SKIC3: variants seen among roughly 807,000 people sequenced by gnomAD.
SKIC3 encodes SKI3 subunit of superkiller complex.
chr5:95,523,452 T>C, the SKIC3 span: 2 of 1,214,492 alleles, frequency 1.6e-6, no homozygotes, highest in African/African-American at 3.1e-5. Context: ...CTGGTATACA[T>C]CAAATTACAG....
At chr5:95,525,488 A>C in the SKIC3 span, 1 of 1,614,040 alleles carries the variant, frequency 6.2e-7, no homozygotes, top group Non-Finnish European at 8.5e-7. Context: ...AGAAGAGAGA[A>C]GGTCTTCCAT....
chr5:95,477,270 A>T, the SKIC3 span, among the ~76,000 whole-genome samples: 1 of 152,234 alleles, frequency 6.6e-6, no homozygotes, highest in Non-Finnish European at 1.5e-5. Flanking sequence ...AGGCAGACTG[A>T]CAGAGCAAGG....
the SKIC3 span, among the ~76,000 whole-genome samples, chr5:95,519,216 A>C: frequency 1.3e-5 from 2 of 152,094 alleles, no homozygotes; most frequent in African/African-American, 4.8e-5. Context: ...AATTCCTTTT[A>C]GAATGAGAAA....
the SKIC3 span, chr5:95,541,307 C>G: frequency 3.7e-6 from 6 of 1,613,690 alleles, no homozygotes; most frequent in African/African-American, 2.7e-5. Flanking sequence ...TCACCAACCT[C>G]TAGGTGTTTC....
chr5:95,515,303 T>G, the SKIC3 span, among the ~76,000 whole-genome samples: 1 of 152,140 alleles, frequency 6.6e-6, no homozygotes, highest in African/African-American at 2.4e-5. Context: ...TCACAACCAA[T>G]GAAGTCCTAA....
chr5:95,550,276 T>C, the SKIC3 span, among the ~76,000 whole-genome samples: 4 of 152,006 alleles, frequency 2.6e-5, no homozygotes, highest in Non-Finnish European at 5.9e-5. Context: ...ATGATATATA[T>C]GTCCCCAGTT....
the SKIC3 span, chr5:95,494,742 C>A: frequency 6.2e-6 from 10 of 1,613,630 alleles, no homozygotes; most frequent in Non-Finnish European, 8.5e-6. Context: ...TCATCTTCTG[C>A]TGAACTGCTT....
chr5:95,497,369 T>A, the SKIC3 span: 1 of 1,429,748 alleles, frequency 7.0e-7, no homozygotes, highest in Non-Finnish European at 9.8e-7. Flanking sequence ...ATTTACCATA[T>A]CACAAGTTAT....
the SKIC3 span, among the ~76,000 whole-genome samples, chr5:95,474,167 T>C: frequency 4.6e-5 from 7 of 152,210 alleles, no homozygotes; most frequent in East Asian, 1.4e-3. Flanking sequence ...AATAGGGGAG[T>C]CCTTTCTCCA....
the SKIC3 span, chr5:95,530,158 G>T: frequency 3.7e-6 from 6 of 1,613,514 alleles, no homozygotes; most frequent in Non-Finnish European, 5.1e-6. Flanking sequence ...AAGCCAATGA[G>T]GCCTGGACCA....
the SKIC3 span, among the ~76,000 whole-genome samples, chr5:95,532,678 T>C: frequency 6.6e-6 from 1 of 152,176 alleles, no homozygotes; most frequent in African/African-American, 2.4e-5. Flanking sequence ...AACTGCTCTT[T>C]TTAACATTTA....
chr5:95,551,043 T>C, the SKIC3 span, among the ~76,000 whole-genome samples: 1 of 152,136 alleles, frequency 6.6e-6, no homozygotes, highest in Admixed American at 6.5e-5. Flanking sequence ...AGGGTACTTA[T>C]TTACACCCAA....
chr5:95,520,714 A>T, the SKIC3 span: 1 of 1,604,732 alleles, frequency 6.2e-7, no homozygotes. Context: ...AATAATACGA[A>T]CCAAGTAAAA....
the SKIC3 span, chr5:95,540,721 G>A: frequency 6.2e-7 from 1 of 1,614,008 alleles, no homozygotes. Context: ...CTGGTCCTCT[G>A]TACTTTCAGC....
the SKIC3 span, chr5:95,525,516 C>G: frequency 6.2e-7 from 1 of 1,613,516 alleles, no homozygotes; most frequent in Admixed American, 1.7e-5. Flanking sequence ...AAAGTAGACA[C>G]CTGTCAATTC....
the SKIC3 span, among the ~76,000 whole-genome samples, chr5:95,534,834 T>C: frequency 5.9e-5 from 9 of 152,174 alleles, no homozygotes; most frequent in African/African-American, 2.2e-4. Flanking sequence ...TGCAAATGAC[T>C]TCCAAACCAT....
the SKIC3 span, among the ~76,000 whole-genome samples, chr5:95,553,059 A>G: frequency 6.6e-6 from 1 of 152,190 alleles, no homozygotes; most frequent in Non-Finnish European, 1.5e-5. Flanking sequence ...ATCACTGGAG[A>G]TGAAAAAGCA....
the SKIC3 span, chr5:95,520,966 T>G: frequency 1.6e-5 from 10 of 634,210 alleles, no homozygotes; most frequent in Non-Finnish European, 2.5e-5. Context: ...TAAAGCATGA[T>G]CCTACATTCA....
the SKIC3 span, among the ~76,000 whole-genome samples, chr5:95,485,002 T>C: frequency 6.6e-6 from 1 of 152,190 alleles, no homozygotes. Flanking sequence ...TCCTGACAAG[T>C]GGCAGGTTTC....
Sources: gnomAD v4.1 joint callset for allele counts (sites outside exome capture counted in the v4.1 genomes callset) on GRCh38, gnomAD v4.1.1 for gene constraint, MANE v1.5 for transcripts, NCBI Gene and HGNC (gene_info 2026-07-23, HGNC 2026-07-21) for gene names.